SGCZ: variants seen among roughly 807,000 people sequenced by gnomAD.
The protein encoded by SGCZ is zeta-sarcoglycan.
Under a neutral mutation model 41.3 loss-of-function variants are expected in SGCZ, and 40 were observed. The observed-to-expected ratio is 0.97, with a 90% CI of 0.75 to 1.26. The LOEUF is 1.26. SGCZ is among the 50% of genes most tolerant of loss of function. The probability of loss-of-function intolerance (pLI) is 0.00; values close to 1 mark genes in which losing one functional copy is unlikely to be tolerated. For synonymous variants in SGCZ, 206 were observed against 137.5 expected (o/e 1.50, Z -3.49); for missense variants, 552 against 369.8 (o/e 1.49, Z -4.04).
chr8:15,051,055 T>C (rs1404804838), intron 1 of SGCZ, among the ~76,000 whole-genome samples: 1 of 152,156 alleles, frequency 6.6e-6, no homozygotes, highest in Non-Finnish European at 1.5e-5. Context: ...CTTGGTAGTT[T>C]AATAGGTTTG....
intron 5 of SGCZ, among the ~76,000 whole-genome samples, chr8:14,111,886 G>A (rs1048187890): frequency 3.9e-5 from 6 of 152,096 alleles, no homozygotes; most frequent in African/African-American, 1.4e-4. Flanking sequence ...CTTTACAAAT[G>A]CCTAACATAA....
intron 2 of SGCZ, among the ~76,000 whole-genome samples, chr8:14,504,734 C>T (rs536777253): frequency 3.3e-5 from 5 of 152,108 alleles, no homozygotes; most frequent in Non-Finnish European, 7.4e-5. Flanking sequence ...TCTCTTACTT[C>T]TTTATGGCAC....
At chr8:14,743,947 T>C (rs1288506240) in intron 1 of SGCZ, among the ~76,000 whole-genome samples, 1 of 152,140 alleles carries the variant, frequency 6.6e-6, no homozygotes, top group Non-Finnish European at 1.5e-5. Flanking sequence ...AGGTTTTCTT[T>C]GCCTGTTGTT....
intron 2 of SGCZ, among the ~76,000 whole-genome samples, chr8:14,546,952 G>C (rs1204430273): frequency 6.6e-6 from 1 of 151,744 alleles, no homozygotes; most frequent in Admixed American, 6.6e-5. Context: ...TGCCAGAGGG[G>C]ATACAATATT....
chr8:15,215,054 T>A (rs1235108210), intron 1 of SGCZ, among the ~76,000 whole-genome samples: 1 of 152,216 alleles, frequency 6.6e-6, no homozygotes, highest in Non-Finnish European at 1.5e-5. Flanking sequence ...TTTTAACATT[T>A]AATCTTGAAA....
At chr8:15,108,463 G>A (rs1806917965) in intron 1 of SGCZ, among the ~76,000 whole-genome samples, 3 of 152,210 alleles carry the variant, frequency 2.0e-5, no homozygotes, top group Middle Eastern at 3.4e-3. Context: ...GAAATCAAGT[G>A]GATTTTGAAT....
intron 2 of SGCZ, among the ~76,000 whole-genome samples, chr8:14,539,145 T>G (rs148326069): frequency 6.6e-6 from 1 of 152,026 alleles, no homozygotes; most frequent in African/African-American, 2.4e-5. Context: ...CAGAGGAAGA[T>G]AGAATTCGGC....
intron 1 of SGCZ, among the ~76,000 whole-genome samples, chr8:14,956,813 A>C (rs1049508958): frequency 4.6e-5 from 7 of 152,214 alleles, no homozygotes; most frequent in African/African-American, 1.4e-4. Flanking sequence ...TTACATTACT[A>C]GGAAAATAAT....
intron 5 of SGCZ, among the ~76,000 whole-genome samples, chr8:14,110,753 T>C (rs1802347177): frequency 1.3e-5 from 2 of 151,892 alleles, no homozygotes; most frequent in South Asian, 2.1e-4. Flanking sequence ...TCTAACAGCA[T>C]AAAAAAATTA....
intron 1 of SGCZ, among the ~76,000 whole-genome samples, chr8:14,876,396 G>C (rs1804357907): frequency 6.6e-6 from 1 of 152,074 alleles, no homozygotes; most frequent in African/African-American, 2.4e-5. Context: ...CTTTGAGAAA[G>C]ACAAAACACC....
At chr8:14,584,009 T>C (rs1021029532) in intron 1 of SGCZ, among the ~76,000 whole-genome samples, 8 of 152,170 alleles carry the variant, frequency 5.3e-5, no homozygotes, top group South Asian at 2.1e-4. Context: ...TTTTGTTTTT[T>C]CTGGGCATGA....
chr8:14,989,580 C>T (rs894458505), intron 1 of SGCZ, among the ~76,000 whole-genome samples: 5 of 152,006 alleles, frequency 3.3e-5, no homozygotes, highest in Admixed American at 2.0e-4. Context: ...CAGAAGAGGC[C>T]TCAGGGATTC....
At chr8:14,591,543 T>G (rs1316151096) in intron 1 of SGCZ, among the ~76,000 whole-genome samples, 1 of 152,092 alleles carries the variant, frequency 6.6e-6, no homozygotes, top group Non-Finnish European at 1.5e-5. Flanking sequence ...CAAAATAGTT[T>G]GTGATGTAAG....
intron 1 of SGCZ, among the ~76,000 whole-genome samples, chr8:15,054,546 C>A (rs1259369949): frequency 2.0e-5 from 3 of 152,106 alleles, no homozygotes; most frequent in Non-Finnish European, 2.9e-5. Flanking sequence ...TTGGGTGAAA[C>A]GAAGCCGTAG....
chr8:14,153,489 ATAGAG>A (rs1803775910), intron 5 of SGCZ, among the ~76,000 whole-genome samples: 1 of 152,192 alleles, frequency 6.6e-6, no homozygotes, highest in Non-Finnish European at 1.5e-5. Context: ...GATACATCCC[ATAGAG>A]TAAAGTGACC....
At chr8:14,489,881 T>TTTTTTTTTTTTTC (rs1801793514) in intron 2 of SGCZ, among the ~76,000 whole-genome samples, 2 of 146,296 alleles carry the variant, frequency 1.4e-5, no homozygotes, top group African/African-American at 5.2e-5. Flanking sequence ...TTTTTTTTTT[T>TTTTTTTTTTTTTC]CCTGAGATGG....
Position 14,090,406 on chromosome 8 carries a change from CA to C in SGCZ, c.*36del, listed in dbSNP as rs746445472. ...GAACTGTGAAGCAGACGGACAGGAA[CA>C]AAAGGCTATTCTGGTGTGAGGAGAA... is the stretch of plus-strand genomic sequence containing the variant. On this transcript the variant is annotated 3_prime_UTR_variant, in exon 8 of 8. Coordinates refer to ENST00000382080, the MANE Select transcript of SGCZ (RefSeq NM_139167.4). The C allele has an allele frequency of 2.5e-6, 4 of 1,591,562 alleles. No individual in the cohort carries two copies. The highest frequency in any genetic ancestry group is 3.4e-6 in the Non-Finnish European group (4 of 1,168,448).
At chr8:15,165,865 A>G (rs1489865233) in intron 1 of SGCZ, among the ~76,000 whole-genome samples, 1 of 152,196 alleles carries the variant, frequency 6.6e-6, no homozygotes, top group African/African-American at 2.4e-5. Context: ...AAAGGGTGTC[A>G]TATGGTTTTT....
chr8:14,708,904 C>A (rs180687937), intron 1 of SGCZ, among the ~76,000 whole-genome samples: 4 of 151,534 alleles, frequency 2.6e-5, no homozygotes, highest in African/African-American at 7.3e-5. Context: ...CTACTTGGGA[C>A]CTTAAAACTG....
Sources: allele counts gnomAD v4.1 joint callset (sites outside exome capture counted in the v4.1 genomes callset), GRCh38; gene constraint gnomAD v4.1.1; transcripts MANE v1.5; gene names NCBI Gene and HGNC (gene_info 2026-07-23, HGNC 2026-07-21).